Variants in ASTN1 observed in about 807,000 individuals in gnomAD.
ASTN1 encodes astrotactin 1, also known as astrotactin-1.
ASTN1 carries 41 observed loss-of-function variants against 140.7 expected under a neutral mutation model. The observed-to-expected ratio is 0.29, with a 90% CI of 0.23 to 0.38. ASTN1 has a LOEUF of 0.38. Among genes scored for constraint, ASTN1 ranks in the 10% least tolerant of loss-of-function variants. The pLI, the probability that ASTN1 is intolerant of heterozygous loss-of-function variation, is 1.00. For synonymous variants in ASTN1, 640 were observed against 652.2 expected (o/e 0.98, Z 0.29); for missense variants, 1,479 against 1,678.8 (o/e 0.88, Z 2.08).
intron 1 of ASTN1, among the ~76,000 whole-genome samples, chr1:177,077,462 T>C (rs1243186451): frequency 6.6e-6 from 1 of 152,138 alleles, no homozygotes; most frequent in Non-Finnish European, 1.5e-5. Context: ...CTTGAACGGG[T>C]TATTTAAGCC....
At chr1:176,995,805 A>G (rs780162106) in intron 8 of ASTN1, among the ~76,000 whole-genome samples, 8 of 152,182 alleles carry the variant, frequency 5.3e-5, no homozygotes, top group Non-Finnish European at 1.0e-4. Context: ...ATCAGGGGGC[A>G]GGAAGCCAGA....
intron 7 of ASTN1, among the ~76,000 whole-genome samples, chr1:177,022,090 A>T (rs1242578186): frequency 6.6e-6 from 1 of 152,214 alleles, no homozygotes; most frequent in Non-Finnish European, 1.5e-5. Flanking sequence ...TTAACACCTA[A>T]GATGGTGAAT....
intron 1 of ASTN1, among the ~76,000 whole-genome samples, chr1:177,079,766 C>A (rs1245745650): frequency 1.3e-5 from 2 of 152,056 alleles, no homozygotes; most frequent in African/African-American, 2.4e-5. Context: ...GAACTCCACA[C>A]CCCCACTGAA....
intron 3 of ASTN1, among the ~76,000 whole-genome samples, chr1:177,031,993 C>A (rs1228077095): frequency 6.6e-6 from 1 of 152,124 alleles, no homozygotes; most frequent in Non-Finnish European, 1.5e-5. Context: ...GCAAGATAAA[C>A]ATAAAGAAAA....
chr1:176,941,562 C>T (rs1408656512), intron 14 of ASTN1, among the ~76,000 whole-genome samples: 1 of 152,178 alleles, frequency 6.6e-6, no homozygotes, highest in Non-Finnish European at 1.5e-5. Flanking sequence ...TACTTTCTAT[C>T]GTGAATGAGC....
In ASTN1 at chr1:177,142,598, T is replaced by C. The variant is rs533903171; in HGVS notation, c.283+21796A>G. ...ATGGTTCTTTATACATCACTGCTAC[T>C]CTTCACATTCAAAATGTTACATAAA... is the stretch of plus-strand genomic sequence containing the variant. On this transcript the variant is annotated intron_variant, in intron 1 of 22. Coordinates refer to ENST00000361833, the MANE Select transcript of ASTN1 (RefSeq NM_004319.3). Among the ~76,000 whole-genome samples the C allele has an allele frequency of 8.5e-5, 13 of 152,264 alleles. No individual in the cohort carries two copies. In the South Asian group the frequency reaches 2.5e-3, roughly 29 times the overall value.
At chr1:177,041,097 G>A (rs888940484) in intron 2 of ASTN1, among the ~76,000 whole-genome samples, 6 of 152,170 alleles carry the variant, frequency 3.9e-5, no homozygotes, top group Non-Finnish European at 7.3e-5. Flanking sequence ...GCAGGGCTGG[G>A]TGAAGCAGGA....
chr1:176,858,620 G>A (rs1044344975), downstream of ASTN1, among the ~76,000 whole-genome samples: 8 of 152,174 alleles, frequency 5.3e-5, no homozygotes, highest in South Asian at 4.2e-4. Flanking sequence ...CGTGACAGAC[G>A]GAAAATAAAA....
At chr1:176,927,053 G>T (rs533476575) in intron 16 of ASTN1, among the ~76,000 whole-genome samples, 3 of 152,300 alleles carry the variant, frequency 2.0e-5, no homozygotes, top group African/African-American at 7.2e-5. Context: ...TTGTCTGCTG[G>T]AAATACAATG....
intron 16 of ASTN1, among the ~76,000 whole-genome samples, chr1:176,924,312 A>G (rs990855460): frequency 6.6e-6 from 1 of 152,136 alleles, no homozygotes; most frequent in Non-Finnish European, 1.5e-5. Context: ...TGTGTTTGCT[A>G]TTTCATCTGC....
At position 176,915,260 on chromosome 1, in the gene ASTN1, T is replaced by C. The variant is rs529145311; in HGVS notation, c.2671+18892A>G. On this transcript the variant is annotated intron_variant, in intron 16 of 22. Coordinates refer to ENST00000361833, the MANE Select transcript of ASTN1 (RefSeq NM_004319.3). ...TGAGGACCTACCATGGGCCAGGTGT[T>C]CTACCCGCCTTATGACTCTTAGTCC... Among the ~76,000 whole-genome samples, 4 of 152,342 alleles carry C rather than the reference T, an allele frequency of 2.6e-5. No homozygotes were observed. The South Asian group carries it at 8.3e-4, about 32-fold the overall frequency.
At chr1:176,908,684 T>C (rs1670101776) in intron 16 of ASTN1, among the ~76,000 whole-genome samples, 1 of 152,154 alleles carries the variant, frequency 6.6e-6, no homozygotes, top group Admixed American at 6.5e-5. Context: ...ATTCTGAAGG[T>C]TAAATGGGAT....
chr1:177,107,341 A>T (rs1400853305), intron 1 of ASTN1, among the ~76,000 whole-genome samples: 1 of 152,236 alleles, frequency 6.6e-6, no homozygotes, highest in Non-Finnish European at 1.5e-5. Context: ...ATATAATAAC[A>T]TAAAACCCAA....
At chr1:177,145,883 G>A (rs1417398374) in intron 1 of ASTN1, among the ~76,000 whole-genome samples, 3 of 152,190 alleles carry the variant, frequency 2.0e-5, no homozygotes, top group Non-Finnish European at 4.4e-5. Flanking sequence ...TACCATGGGA[G>A]TTAGGTCAGC....
At chr1:176,898,226 A>G (rs557256559) in intron 16 of ASTN1, among the ~76,000 whole-genome samples, 56 of 152,010 alleles carry the variant, frequency 3.7e-4, no homozygotes, top group African/African-American at 1.3e-3. Flanking sequence ...AACCCACCAA[A>G]CTCTTGTTTT....
intron 2 of ASTN1, among the ~76,000 whole-genome samples, chr1:177,047,726 G>C (rs1321283459): frequency 1.3e-5 from 2 of 152,170 alleles, no homozygotes; most frequent in Admixed American, 1.3e-4. Context: ...AAAATGAGCA[G>C]AGCATGGTGA....
chr1:177,144,098 T>C (rs1352391353), intron 1 of ASTN1, among the ~76,000 whole-genome samples: 1 of 152,102 alleles, frequency 6.6e-6, no homozygotes, highest in Non-Finnish European at 1.5e-5. Context: ...GGCTATTACA[T>C]GTTTTCACAT....
At chr1:177,093,362 TAG>T (rs1263699809) in intron 1 of ASTN1, among the ~76,000 whole-genome samples, 1 of 152,182 alleles carries the variant, frequency 6.6e-6, no homozygotes, top group African/African-American at 2.4e-5. Context: ...TCCATAACGT[TAG>T]AGTCATCAAA....
intron 1 of ASTN1, among the ~76,000 whole-genome samples, chr1:177,074,881 A>G (rs997457276): frequency 2.6e-5 from 4 of 152,178 alleles, no homozygotes; most frequent in Non-Finnish European, 4.4e-5. Context: ...ACTGAAAATA[A>G]TTATTTCATC....
Sources: gnomAD v4.1 joint callset for allele counts (sites outside exome capture counted in the v4.1 genomes callset) on GRCh38, gnomAD v4.1.1 for gene constraint, MANE v1.5 for transcripts, NCBI Gene and HGNC (gene_info 2026-07-23, HGNC 2026-07-21) for gene names.